The following NEK11 variants were observed in gnomAD, a reference collection of about 807,000 sequenced individuals.
NEK11 encodes the protein serine/threonine-protein kinase Nek11.
A neutral mutation model predicts 80.7 loss-of-function variants in NEK11; 72 were observed. The observed-to-expected ratio is 0.89, with a 90% CI of 0.74 to 1.08. The LOEUF is 1.08. Among genes scored for constraint, NEK11 ranks in the 50% least tolerant of loss-of-function variants. The pLI is 0.00. For synonymous variants in NEK11, 251 were observed against 260.7 expected (o/e 0.96, Z 0.36); for missense variants, 764 against 763.6 (o/e 1.00, Z -0.01).
At chr3:131,137,358 T>C (rs1191689391) in intron 7 of NEK11, among the ~76,000 whole-genome samples, 6 of 152,142 alleles carry the variant, frequency 3.9e-5, no homozygotes, top group African/African-American at 1.2e-4. Context: ...GACAACAGCC[T>C]ATTTTTTTGA....
intron 7 of NEK11, among the ~76,000 whole-genome samples, chr3:131,137,568 G>A (rs1267601653): frequency 6.6e-6 from 1 of 152,126 alleles, no homozygotes; most frequent in Non-Finnish European, 1.5e-5. Flanking sequence ...CTTTCCTAGG[G>A]AATAAGCACT....
chr3:131,152,690 A>G lies in NEK11; in HGVS notation c.857A>G (p.Tyr286Cys). 1 of 1,612,096 alleles carries G rather than the reference A, an allele frequency of 6.2e-7. No homozygotes were observed. Among genetic ancestry groups the G allele is most frequent in the South Asian group, 1.1e-5 (1 of 90,974 alleles). ...PSAIEILKIP[Y>C]LDEQLQNLMC... is the part of the protein sequence containing the mutation. ...GCTATCGAAATTTTAAAAATCCCTT[A>G]CCTTGATGAGCAGCTACAGGTATTT... is the stretch of plus-strand genomic sequence containing the variant. The change falls in exon 9 of 18, where the codon TAC becomes TGC. Residue 286 changes from tyrosine (Y) to cysteine (C), a missense_variant. By Grantham distance (194) the Tyr-to-Cys change is radical. Transcript: ENST00000383366.
intron 14 of NEK11, among the ~76,000 whole-genome samples, chr3:131,188,637 G>A (rs750762317): frequency 2.0e-5 from 3 of 151,980 alleles, no homozygotes; most frequent in Non-Finnish European, 4.4e-5. Context: ...CTAGGCAATT[G>A]CCTTTCATAT....
intron 13 of NEK11, among the ~76,000 whole-genome samples, chr3:131,169,226 ATTTAAT>A (rs1405200778): frequency 2.0e-5 from 3 of 152,150 alleles, no homozygotes; most frequent in Non-Finnish European, 4.4e-5. Context: ...CATGTTTATG[ATTTAAT>A]TTCTTGCTAA....
intron 14 of NEK11, among the ~76,000 whole-genome samples, chr3:131,224,689 C>T (rs745849099): frequency 6.6e-6 from 1 of 152,022 alleles, no homozygotes; most frequent in Non-Finnish European, 1.5e-5. Context: ...CCCTAGAGAC[C>T]TTGTAGTGGG....
intron 10 of NEK11, among the ~76,000 whole-genome samples, chr3:131,158,455 A>G (rs1579277441): frequency 1.3e-5 from 2 of 152,086 alleles, no homozygotes; most frequent in African/African-American, 4.8e-5. Flanking sequence ...GGGCACAGAG[A>G]CAGCCAGCCC....
chr3:131,172,801 C>G (rs1230053470), intron 14 of NEK11, among the ~76,000 whole-genome samples: 1 of 152,132 alleles, frequency 6.6e-6, no homozygotes, highest in Non-Finnish European at 1.5e-5. Context: ...GACAGGAGAC[C>G]AGCACAAGAT....
intron 16 of NEK11, among the ~76,000 whole-genome samples, chr3:131,253,010 A>G (rs766426129): frequency 1.1e-4 from 16 of 152,030 alleles, no homozygotes; most frequent in African/African-American, 3.9e-4. Context: ...GTGATGGGCT[A>G]TCTGGCACTG....
chr3:131,302,969 G>A (rs185418674), intron 17 of NEK11, among the ~76,000 whole-genome samples: 38 of 152,148 alleles, frequency 2.5e-4, no homozygotes, highest in African/African-American at 8.4e-4. Flanking sequence ...ATTATTGTGT[G>A]GTTATCTAAG....
intron 16 of NEK11, among the ~76,000 whole-genome samples, chr3:131,269,429 G>A (rs1159257241): frequency 6.6e-6 from 1 of 152,214 alleles, no homozygotes; most frequent in Non-Finnish European, 1.5e-5. Context: ...TGGTCTGTGG[G>A]TTGCAAAGAC....
intron 17 of NEK11, among the ~76,000 whole-genome samples, chr3:131,280,223 T>A (rs191342872): frequency 6.6e-6 from 1 of 152,332 alleles, no homozygotes; most frequent in African/African-American, 2.4e-5. Flanking sequence ...TGACATTCTC[T>A]GAATCACCTT....
intron 15 of NEK11, among the ~76,000 whole-genome samples, chr3:131,242,155 G>GA (rs143306020): frequency 5.3e-5 from 8 of 151,824 alleles, no homozygotes; most frequent in Admixed American, 2.0e-4. Context: ...ATAGGTTTCT[G>GA]AAAAAAAATG....
Position 131,043,597 on chromosome 3 carries a change from A to C in NEK11, c.170+13719A>C, listed in dbSNP as rs535228138. On this transcript the variant is annotated intron_variant, in intron 3 of 17. Transcript: ENST00000383366. ...TGAAAAGTAATGAACAAAGACTTCAAGAAATATGGGACTATGTGAACAGAC... is the reference window on the plus strand; with the variant it reads ...TGAAAAGTAATGAACAAAGACTTCACGAAATATGGGACTATGTGAACAGAC... Among the ~76,000 whole-genome samples, 3 of 152,384 alleles carry C rather than the reference A, an allele frequency of 2.0e-5. No individual in the cohort carries two copies. In the South Asian group the frequency reaches 6.2e-4, roughly 32 times the overall value.
intron 3 of NEK11, among the ~76,000 whole-genome samples, chr3:131,058,149 C>G (rs1461519205): frequency 6.6e-6 from 1 of 152,146 alleles, no homozygotes; most frequent in Admixed American, 6.5e-5. Context: ...ATAGGGAATC[C>G]TTTTCCCATT....
At chr3:131,186,521 T>C (rs1006273000) in intron 14 of NEK11, among the ~76,000 whole-genome samples, 5 of 152,166 alleles carry the variant, frequency 3.3e-5, no homozygotes, top group African/African-American at 1.2e-4. Context: ...GCCCTCCTGT[T>C]GGTGCATCAG....
chr3:131,108,505 C>T (rs543223741), intron 4 of NEK11, among the ~76,000 whole-genome samples: 7 of 152,156 alleles, frequency 4.6e-5, no homozygotes, highest in Admixed American at 1.3e-4. Context: ...TCTAAGTTTT[C>T]GGTGTTTTAC....
At chr3:131,160,053 A>G (rs1472972164) in intron 10 of NEK11, among the ~76,000 whole-genome samples, 1 of 152,216 alleles carries the variant, frequency 6.6e-6, no homozygotes, top group African/African-American at 2.4e-5. Flanking sequence ...AGAGGTCAAC[A>G]CTCAAATTCA....
chr3:131,331,967 T>C (rs1299071777), intron 17 of NEK11, among the ~76,000 whole-genome samples: 1 of 152,306 alleles, frequency 6.6e-6, no homozygotes, highest in South Asian at 2.1e-4. Context: ...CCGGGAAGCT[T>C]GAGCTGGGTG....
chr3:131,076,466 T>TA (rs11447958), intron 3 of NEK11, among the ~76,000 whole-genome samples: 28,011 of 152,136 alleles, frequency 0.18, 2,666 homozygotes, highest in Non-Finnish European at 0.21. Context: ...CCTTCCCATT[T>TA]AAGAAAGGCA....
Sources: allele counts gnomAD v4.1 joint callset (sites outside exome capture counted in the v4.1 genomes callset), GRCh38; gene constraint gnomAD v4.1.1; transcripts MANE v1.5; gene names NCBI Gene and HGNC (gene_info 2026-07-23, HGNC 2026-07-21).